LINGO2: variants seen among roughly 807,000 people sequenced by gnomAD.
The protein encoded by LINGO2 is leucine rich repeat and Ig domain containing 2, also known as leucine-rich repeat and immunoglobulin-like domain-containing nogo receptor-interacting protein 2.
Under a neutral mutation model 30.6 loss-of-function variants are expected in LINGO2, and 14 were observed. The observed-to-expected ratio is 0.46, with a 90% CI of 0.30 to 0.72. The LOEUF (loss-of-function observed/expected upper bound fraction) is 0.72. Ranked by LOEUF, LINGO2 falls within the 30% of genes least tolerant of loss-of-function variation. The pLI, the probability that LINGO2 is intolerant of heterozygous loss-of-function variation, is 0.07. For synonymous variants in LINGO2, 317 were observed against 288.5 expected (o/e 1.10, Z -1.00); for missense variants, 729 against 751.7 (o/e 0.97, Z 0.35).
At chr9:29,094,671 C>T in the LINGO2 span, among the ~76,000 whole-genome samples, 1 of 138,592 alleles carries the variant, frequency 7.2e-6, no homozygotes, top group Non-Finnish European at 1.6e-5. Context: ...TAGTGGCTGA[C>T]TATAGAAAGT....
chr9:28,862,323 A>G, the LINGO2 span, among the ~76,000 whole-genome samples: 2 of 152,126 alleles, frequency 1.3e-5, no homozygotes, highest in East Asian at 3.9e-4. Context: ...AATAAGAATA[A>G]CATGTTTGTA....
the LINGO2 span, among the ~76,000 whole-genome samples, chr9:28,733,352 A>T: frequency 2.0e-5 from 3 of 152,164 alleles, no homozygotes; most frequent in Non-Finnish European, 4.4e-5. Flanking sequence ...ATAGTATTGC[A>T]CTGGTTTTTG....
chr9:28,982,798 T>C, the LINGO2 span, among the ~76,000 whole-genome samples: 1 of 152,030 alleles, frequency 6.6e-6, no homozygotes, highest in African/African-American at 2.4e-5. Context: ...TGGAATAAAA[T>C]AATTCTGAAA....
At chr9:29,079,576 A>G in the LINGO2 span, among the ~76,000 whole-genome samples, 1 of 151,984 alleles carries the variant, frequency 6.6e-6, no homozygotes, top group Non-Finnish European at 1.5e-5. Context: ...TCTGTTCTAA[A>G]GGTGAGAAGC....
At chr9:28,506,399 CATATATAT>C (rs371821368) in intron 1 of LINGO2, among the ~76,000 whole-genome samples, 30 of 26,124 alleles carry the variant, frequency 1.1e-3, no homozygotes, top group African/African-American at 1.9e-3. Context: ...GCTTCTTAGA[CATATATAT>C]ATATATATAT....
the LINGO2 span, among the ~76,000 whole-genome samples, chr9:29,085,737 T>C: frequency 8.0e-4 from 121 of 152,188 alleles, 1 homozygote; most frequent in South Asian, 4.2e-4. Flanking sequence ...GTATACAGAG[T>C]CTACCATTTA....
chr9:28,529,606 CTTTT>C (rs201066699), intron 1 of LINGO2, among the ~76,000 whole-genome samples: 5 of 125,268 alleles, frequency 4.0e-5, no homozygotes, highest in African/African-American at 5.8e-5. Flanking sequence ...ATTGCAAATA[CTTTT>C]TTTTTTTTTT....
chr9:27,988,638 G>A (rs576053553), intron 5 of LINGO2, among the ~76,000 whole-genome samples: 70 of 152,062 alleles, frequency 4.6e-4, no homozygotes, highest in African/African-American at 1.7e-3. Context: ...CTGCATAAAT[G>A]TCTTCTTTTG....
At chr9:28,172,300 A>G (rs1167931552) in intron 4 of LINGO2, among the ~76,000 whole-genome samples, 1 of 148,836 alleles carries the variant, frequency 6.7e-6, no homozygotes, top group Non-Finnish European at 1.5e-5. Flanking sequence ...CTGAGGCAGG[A>G]GAATGGCGTG....
the LINGO2 span, among the ~76,000 whole-genome samples, chr9:28,922,980 C>T: frequency 2.0e-5 from 3 of 152,094 alleles, no homozygotes; most frequent in African/African-American, 7.2e-5. Flanking sequence ...AAGATGAATA[C>T]AACGCAAGGA....
the LINGO2 span, among the ~76,000 whole-genome samples, chr9:28,793,982 C>G: frequency 1.4e-4 from 22 of 152,184 alleles, no homozygotes; most frequent in Non-Finnish European, 2.6e-4. Flanking sequence ...CCCTCCTACT[C>G]CTCAAAACCT....
chr9:28,299,138 T>A (rs1231933065), intron 3 of LINGO2, among the ~76,000 whole-genome samples: 2 of 152,134 alleles, frequency 1.3e-5, no homozygotes, highest in Non-Finnish European at 2.9e-5. Flanking sequence ...ATCTTCCCCG[T>A]GGAGACATGT....
At chr9:28,087,313 T>C (rs937967024) in intron 4 of LINGO2, among the ~76,000 whole-genome samples, 1 of 152,100 alleles carries the variant, frequency 6.6e-6, no homozygotes, top group African/African-American at 2.4e-5. Context: ...TTATTTGTTA[T>C]ACAGCATTTT....
At chr9:28,333,894 T>C (rs1242279276) in intron 3 of LINGO2, among the ~76,000 whole-genome samples, 1 of 152,178 alleles carries the variant, frequency 6.6e-6, no homozygotes, top group African/African-American at 2.4e-5. Flanking sequence ...AATGAAAATA[T>C]TGCTTACAAA....
chr9:28,077,659 A>G (rs764220183), intron 4 of LINGO2, among the ~76,000 whole-genome samples: 17 of 149,582 alleles, frequency 1.1e-4, no homozygotes, highest in Middle Eastern at 3.4e-3. Flanking sequence ...GGGGAAGAGT[A>G]GTTTCATTAA....
At chr9:28,454,000 C>T (rs979959181) in intron 2 of LINGO2, among the ~76,000 whole-genome samples, 12 of 151,828 alleles carry the variant, frequency 7.9e-5, no homozygotes, top group African/African-American at 1.7e-4. Context: ...ATGAGAAGTC[C>T]GAAAGATTAA....
At chr9:28,231,361 AC>A (rs1227080126) in intron 4 of LINGO2, among the ~76,000 whole-genome samples, 1 of 151,960 alleles carries the variant, frequency 6.6e-6, no homozygotes, top group African/African-American at 2.4e-5. Flanking sequence ...TTAAACTTTT[AC>A]TTTTAGAAAA....
chr9:28,822,402 T>C, the LINGO2 span, among the ~76,000 whole-genome samples: 19 of 152,232 alleles, frequency 1.2e-4, no homozygotes, highest in Admixed American at 5.2e-4. Flanking sequence ...ATGCAAGCAA[T>C]GTATGATGGT....
At chr9:29,006,887 C>T in the LINGO2 span, among the ~76,000 whole-genome samples, 1 of 151,946 alleles carries the variant, frequency 6.6e-6, no homozygotes, top group African/African-American at 2.4e-5. Flanking sequence ...ATAGCAGCAG[C>T]CTTAGCAGCA....
Sources: gnomAD v4.1 joint callset for allele counts (sites outside exome capture counted in the v4.1 genomes callset) on GRCh38, gnomAD v4.1.1 for gene constraint, MANE v1.5 for transcripts, NCBI Gene and HGNC (gene_info 2026-07-23, HGNC 2026-07-21) for gene names.